Variants in FNDC3A observed in about 807,000 individuals in gnomAD.
FNDC3A encodes the protein fibronectin type-III domain-containing protein 3A.
In FNDC3A, 32 loss-of-function variants were observed where a neutral mutation model predicts 148.9. The observed-to-expected ratio is 0.21, with a 90% CI of 0.16 to 0.29. The LOEUF (loss-of-function observed/expected upper bound fraction) is 0.29, where lower values mean the gene tolerates loss of function less well. Ranked by LOEUF, FNDC3A falls within the 10% of genes least tolerant of loss-of-function variation. FNDC3A has a pLI of 1.00. For synonymous variants in FNDC3A, 472 were observed against 473.6 expected (o/e 1.00, Z 0.04); for missense variants, 1,191 against 1,452.8 (o/e 0.82, Z 2.93).
At chr13:49,151,183 T>A (rs968763845) in intron 8 of FNDC3A, among the ~76,000 whole-genome samples, 2 of 152,146 alleles carry the variant, frequency 1.3e-5, no homozygotes, top group African/African-American at 4.8e-5. Context: ...GAGTGGGGGG[T>A]TGAAGTCCCC....
At position 49,198,285 on chromosome 13, in the gene FNDC3A, T is replaced by C. The variant is rs762873735; in HGVS notation, c.2774+20T>C. On this transcript the variant is annotated intron_variant, in intron 22 of 25. Coordinates refer to ENST00000492622, the MANE Select transcript of FNDC3A (RefSeq NM_001079673.2). The stretch of plus-strand genomic sequence containing the variant: ...ATACAGGTATACTCTAAAAATTATG[T>C]TGATTTTTGCCTAGACCAGAGAGAC... 7 of 1,610,872 alleles carry C rather than the reference T, an allele frequency of 4.3e-6. No individual in the cohort carries two copies. The highest frequency in any genetic ancestry group is 1.7e-5 in the Admixed American group (1 of 59,404).
chr13:49,035,499 TTAAG>T (rs1271058890), intron 2 of FNDC3A, among the ~76,000 whole-genome samples: 1 of 152,006 alleles, frequency 6.6e-6, no homozygotes, highest in African/African-American at 2.4e-5. Context: ...TGCATACCTA[TTAAG>T]TAATAGAGTA....
intron 2 of FNDC3A, among the ~76,000 whole-genome samples, chr13:49,066,537 C>G (rs117364766): frequency 0.044 from 6,677 of 152,184 alleles, 204 homozygotes; most frequent in Non-Finnish European, 0.066. Context: ...TTCAACAGCC[C>G]TGTGGCAAAA....
chr13:49,182,708 G>A (rs375026432), intron 14 of FNDC3A, among the ~76,000 whole-genome samples: 1 of 152,018 alleles, frequency 6.6e-6, no homozygotes. Context: ...ATCTGGCTCC[G>A]TTAACTACTT....
At chr13:48,997,069 A>G (rs912743699) in intron 1 of FNDC3A, among the ~76,000 whole-genome samples, 8 of 151,870 alleles carry the variant, frequency 5.3e-5, no homozygotes, top group South Asian at 2.1e-4. Context: ...GTCTCAAGAA[A>G]AAAAAAAAAA....
intron 2 of FNDC3A, among the ~76,000 whole-genome samples, chr13:49,035,647 T>C (rs1325242283): frequency 6.6e-6 from 1 of 152,108 alleles, no homozygotes; most frequent in African/African-American, 2.4e-5. Flanking sequence ...CCACATATTA[T>C]ACCATGTATT....
At chr13:49,071,947 G>A (rs1367963842) in intron 2 of FNDC3A, among the ~76,000 whole-genome samples, 1 of 152,114 alleles carries the variant, frequency 6.6e-6, no homozygotes. Context: ...AAAGTGCTGG[G>A]ATTATAGGTG....
At chr13:49,028,778 T>C (rs1188171626) in intron 2 of FNDC3A, among the ~76,000 whole-genome samples, 4 of 152,236 alleles carry the variant, frequency 2.6e-5, no homozygotes, top group East Asian at 1.9e-4. Context: ...AATAGACAAT[T>C]GAACAATAAT....
rs1878167638 is a variant in FNDC3A at position 49,077,121 on chromosome 13, T to A, written c.175+1757T>A. Among the ~76,000 whole-genome samples, 3 of 152,116 alleles carry A rather than the reference T, an allele frequency of 2.0e-5. No individual in the cohort carries two copies. The South Asian group carries it at 6.2e-4, about 32-fold the overall frequency. On this transcript the variant is annotated intron_variant, in intron 3 of 25. Transcript: ENST00000492622. ...AACAAGACCCTGTCTCTACAAAAAA[T>A]TTAAAAATTAGGCATAGTGGCGCAC...
chr13:49,049,308 T>A (rs1422649217), intron 2 of FNDC3A, among the ~76,000 whole-genome samples: 1 of 152,196 alleles, frequency 6.6e-6, no homozygotes, highest in Non-Finnish European at 1.5e-5. Flanking sequence ...GGTATTAGGG[T>A]GATACTGGCT....
At chr13:49,199,024 C>A (rs1258884424) in intron 23 of FNDC3A, among the ~76,000 whole-genome samples, 1 of 151,782 alleles carries the variant, frequency 6.6e-6, no homozygotes, top group Non-Finnish European at 1.5e-5. Flanking sequence ...TAGCAGGACA[C>A]AATTTTTTTT....
intron 8 of FNDC3A, among the ~76,000 whole-genome samples, chr13:49,152,230 T>C (rs1000604104): frequency 1.3e-5 from 2 of 152,192 alleles, no homozygotes; most frequent in Non-Finnish European, 1.5e-5. Context: ...ACATCCTCTC[T>C]AGCACCTGTT....
chr13:49,120,333 G>A (rs1187140134), intron 4 of FNDC3A, among the ~76,000 whole-genome samples: 2 of 152,122 alleles, frequency 1.3e-5, no homozygotes, highest in Non-Finnish European at 1.5e-5. Context: ...AAGAGCTCCT[G>A]AAGGAAGCCC....
chr13:49,158,744 T>C (rs1209124258), intron 8 of FNDC3A, among the ~76,000 whole-genome samples: 1 of 152,240 alleles, frequency 6.6e-6, no homozygotes, highest in Admixed American at 6.5e-5. Context: ...AGGGTTTTTA[T>C]GGTTTTGGGT....
intron 2 of FNDC3A, among the ~76,000 whole-genome samples, chr13:49,006,602 T>C (rs1244460919): frequency 6.6e-6 from 1 of 152,002 alleles, no homozygotes; most frequent in Non-Finnish European, 1.5e-5. Context: ...TTATAAATCA[T>C]TTCAAATCAT....
chr13:49,190,430 T>A (rs187073123), intron 17 of FNDC3A, among the ~76,000 whole-genome samples: 21 of 152,250 alleles, frequency 1.4e-4, no homozygotes, highest in Admixed American at 1.3e-3. Flanking sequence ...CGTGGGAGGA[T>A]TGCTTGAGCC....
intron 23 of FNDC3A, among the ~76,000 whole-genome samples, chr13:49,199,269 G>A (rs1385568124): frequency 3.3e-5 from 5 of 151,322 alleles, no homozygotes; most frequent in African/African-American, 4.9e-5. Context: ...GGTCCTCCCC[G>A]CTCAGCCTCA....
At chr13:49,118,765 G>T (rs956814462) in intron 4 of FNDC3A, among the ~76,000 whole-genome samples, 3 of 152,168 alleles carry the variant, frequency 2.0e-5, no homozygotes, top group Non-Finnish European at 4.4e-5. Context: ...AGAGCCCACC[G>T]CAGCTCATCA....
intron 2 of FNDC3A, among the ~76,000 whole-genome samples, chr13:49,021,716 C>T (rs3012117): frequency 0.32 from 48,936 of 151,910 alleles, 8,001 homozygotes; most frequent in South Asian, 0.48. Context: ...TTAGTTTTGA[C>T]GATTTACGCC....
Sources: gnomAD v4.1 joint callset for allele counts (sites outside exome capture counted in the v4.1 genomes callset) on GRCh38, gnomAD v4.1.1 for gene constraint, MANE v1.5 for transcripts, NCBI Gene and HGNC (gene_info 2026-07-23, HGNC 2026-07-21) for gene names.